HRH1: variants seen among roughly 807,000 people sequenced by gnomAD.
The protein encoded by HRH1 is histamine receptor H1, also known as histamine H1 receptor.
HRH1 carries 6 observed loss-of-function variants against 10.3 expected under a neutral mutation model. The observed-to-expected ratio is 0.58, with a 90% CI of 0.32 to 1.15. HRH1 has a LOEUF of 1.15. Among genes scored for constraint, HRH1 ranks in the 50% most tolerant of loss-of-function variants. HRH1 has a pLI of 0.05. For synonymous variants in HRH1, 242 were observed against 236.7 expected (o/e 1.02, Z -0.21); for missense variants, 514 against 615.3 (o/e 0.84, Z 1.74).
chr3:11,144,276 A>G (rs1936356911), intron 1 of HRH1, among the ~76,000 whole-genome samples: 1 of 151,656 alleles, frequency 6.6e-6, no homozygotes, highest in South Asian at 2.1e-4. Context: ...CACTATTCAC[A>G]ACAACAAAAT....
intron 1 of HRH1, among the ~76,000 whole-genome samples, chr3:11,187,891 G>T (rs1206934110): frequency 1.3e-5 from 2 of 152,190 alleles, no homozygotes; most frequent in Non-Finnish European, 2.9e-5. Flanking sequence ...TACATCAACT[G>T]CTTTTGCCTC....
intron 1 of HRH1, among the ~76,000 whole-genome samples, chr3:11,239,405 G>C (rs566545060): frequency 7.6e-4 from 116 of 152,022 alleles, no homozygotes; most frequent in African/African-American, 2.4e-3. Flanking sequence ...TGTGTATTTT[G>C]GATACATCAG....
Position 11,206,911 on chromosome 3 carries a change from A to G in HRH1, c.-35-52092A>G, listed in dbSNP as rs144157870. 6.8e-4 allele frequency among the ~76,000 whole-genome samples: 103 copies of G among 152,230 alleles called. 1 individual carries two copies. Among genetic ancestry groups the G allele is most frequent in the African/African-American group, 2.5e-3 (102 of 41,546 alleles). On this transcript the variant is annotated intron_variant, in intron 1 of 1. Transcript: ENST00000431010. ...ACGGAATAGGGTGGGAGAGCTGAGG[A>G]GGGGGAAGCTGGAGGAGGAGTGTGG...
At chr3:11,255,109 A>C (rs978200221) in intron 1 of HRH1, among the ~76,000 whole-genome samples, 7 of 152,166 alleles carry the variant, frequency 4.6e-5, no homozygotes, top group African/African-American at 1.7e-4. Flanking sequence ...ATGTACAAGG[A>C]AGTTGGTCTT....
rs1939941177 is a variant in HRH1 at position 11,261,036 on chromosome 3, T to C, written c.*535T>C. On this transcript the variant is annotated 3_prime_UTR_variant, in exon 2 of 2. Coordinates refer to ENST00000431010, the MANE Select transcript of HRH1 (RefSeq NM_001098212.2). Reference sequence around the variant, plus strand: ...GGGTCACCTTGAGAGGCATGACAGCTGTTCCACAGGGGCTATCCCTTCTCA... The same window carrying C: ...GGGTCACCTTGAGAGGCATGACAGCCGTTCCACAGGGGCTATCCCTTCTCA... 1 of 167,590 alleles carries C rather than the reference T, an allele frequency of 6.0e-6. No individual in the cohort carries two copies. Among genetic ancestry groups the C allele is most frequent in the Non-Finnish European group, 1.5e-5 (1 of 68,500 alleles). The allele number at this position is 167,590 out of a possible 1,614,324, so 10.4% of individuals were successfully genotyped here.
At chr3:11,210,095 A>T (rs1938274333) in intron 1 of HRH1, among the ~76,000 whole-genome samples, 2 of 152,076 alleles carry the variant, frequency 1.3e-5, no homozygotes, top group Non-Finnish European at 2.9e-5. Flanking sequence ...TATATCTCTT[A>T]TGTGGAGTTA....
chr3:11,220,395 C>T (rs1397834883), intron 1 of HRH1, among the ~76,000 whole-genome samples: 1 of 152,186 alleles, frequency 6.6e-6, no homozygotes, highest in Non-Finnish European at 1.5e-5. Context: ...GAGAACAGTA[C>T]TGCTGAGGTG....
intron 1 of HRH1, among the ~76,000 whole-genome samples, chr3:11,164,044 C>G (rs576887337): frequency 1.3e-5 from 2 of 152,110 alleles, no homozygotes; most frequent in Admixed American, 1.3e-4. Context: ...AGTGCACTCT[C>G]TGGAGATACT....
rs1939891638 is a variant in HRH1, at chr3:11,259,804, C to T, written c.767C>T (p.Pro256Leu). ...GDAKKPGKESPWEVLKRKPKD... is the reference protein window; with the variant it reads ...GDAKKPGKESLWEVLKRKPKD... The stretch of plus-strand genomic sequence containing the variant: ...GCCAAGAAACCAGGGAAGGAGTCTC[C>T]CTGGGAGGTTCTGAAAAGGAAGCCA... The change falls in exon 2 of 2, where the codon CCC (proline) becomes CTC (leucine). Residue 256 changes from proline to leucine, a missense_variant. Pro to Leu is a moderately conservative substitution (Grantham distance 98). Transcript: ENST00000431010. This position sits in a 1 kb window ranked among gnomAD's most constrained non-coding sequence, Gnocchi z 4.6. 1 of 1,613,906 alleles carries T rather than the reference C, an allele frequency of 6.2e-7. No homozygotes were observed. The highest frequency in any genetic ancestry group is 8.5e-7 in the Non-Finnish European group (1 of 1,179,960).
intron 1 of HRH1, among the ~76,000 whole-genome samples, chr3:11,194,344 T>G: frequency 6.6e-6 from 1 of 152,148 alleles, no homozygotes; most frequent in Non-Finnish European, 1.5e-5. Flanking sequence ...GAATAACAAT[T>G]CCCACCCTGT....
At chr3:11,213,629 G>A (rs113895115) in intron 1 of HRH1, among the ~76,000 whole-genome samples, 3 of 152,220 alleles carry the variant, frequency 2.0e-5, no homozygotes, top group African/African-American at 4.8e-5. Flanking sequence ...GTTCTCACAT[G>A]ACAGAAAAGA....
Position 11,260,795 on chromosome 3 carries a change from AATCAGACCTGGGTGGAAC to A in HRH1, c.*295_*312del. 6.0e-6 allele frequency: 2 copies of A among 334,154 alleles called. No homozygotes were observed. Among genetic ancestry groups the A allele is most frequent in the Admixed American group, 4.5e-5 (1 of 22,240 alleles). The allele number at this position is 334,154 out of a possible 1,614,324, so 20.7% of individuals were successfully genotyped here. On this transcript the variant is annotated 3_prime_UTR_variant, in exon 2 of 2. Coordinates refer to ENST00000431010, the MANE Select transcript of HRH1 (RefSeq NM_001098212.2). The stretch of plus-strand genomic sequence containing the variant: ...AATAATAAAAATAAAAGAGAGAGAG[AATCAGACCTGGGTGGAAC>A]TCTCCTGCTCCTCAGGAACTATGGG...
chr3:11,197,409 T>C (rs1937704345), intron 1 of HRH1, among the ~76,000 whole-genome samples: 1 of 152,168 alleles, frequency 6.6e-6, no homozygotes, highest in Admixed American at 6.5e-5. Context: ...CTGGCATCTA[T>C]AGGCAAAGAT....
At position 11,261,171 on chromosome 3, in the gene HRH1, G is replaced by C. The variant is rs1397225722; in HGVS notation, c.*670G>C. The C allele has an allele frequency of 2.4e-5, 4 of 167,116 alleles. No homozygotes were observed. The highest frequency in any genetic ancestry group is 5.9e-5 in the Non-Finnish European group (4 of 68,126). The allele number at this position is 167,116 out of a possible 1,614,324, so 10.4% of individuals were successfully genotyped here. A position where few individuals can be genotyped will look rare whatever the true frequency, so the allele number is the denominator to read the frequency against. On this transcript the variant is annotated 3_prime_UTR_variant, in exon 2 of 2. Coordinates refer to ENST00000431010, the MANE Select transcript of HRH1 (RefSeq NM_001098212.2). ...TACTCAAACATGTTTAGAGTGGATAGAAAATTATGCAGCTTGCACACCCAT... is the reference window on the plus strand; with the variant it reads ...TACTCAAACATGTTTAGAGTGGATACAAAATTATGCAGCTTGCACACCCAT...
At chr3:11,184,917 CAAA>C (rs11360744) in intron 1 of HRH1, among the ~76,000 whole-genome samples, 13 of 117,270 alleles carry the variant, frequency 1.1e-4, no homozygotes, top group Admixed American at 1.9e-4. Context: ...GACTCCATTT[CAAA>C]AAAAAAAAAA....
chr3:11,160,473 C>T (rs1031034658), intron 1 of HRH1, among the ~76,000 whole-genome samples: 4 of 152,190 alleles, frequency 2.6e-5, no homozygotes, highest in African/African-American at 7.2e-5. Context: ...ATATTTTAGA[C>T]TAAATTATCG....
rs201881416 is a variant in HRH1 at position 11,262,269 on chromosome 3, C to T, written c.*1768C>T. 1 of 166,972 alleles carries T rather than the reference C, an allele frequency of 6.0e-6. No individual in the cohort carries two copies. The highest frequency in any genetic ancestry group is 1.5e-5 in the Non-Finnish European group (1 of 68,102). 10.3% of individuals were successfully genotyped at this position (166,972 alleles called of 1,614,324 possible). A position where few individuals can be genotyped will look rare whatever the true frequency, so the allele number is the denominator to read the frequency against. ...TGTCAAAGTGAGATATTTTTACCTGCCTAAAATATGATGTTTAAAAGCATA... is the reference window on the plus strand; with the variant it reads ...TGTCAAAGTGAGATATTTTTACCTGTCTAAAATATGATGTTTAAAAGCATA... On this transcript the variant is annotated 3_prime_UTR_variant, in exon 2 of 2. Coordinates refer to ENST00000431010, the MANE Select transcript of HRH1 (RefSeq NM_001098212.2).
At chr3:11,170,738 A>G (rs1040997504) in intron 1 of HRH1, among the ~76,000 whole-genome samples, 2 of 152,246 alleles carry the variant, frequency 1.3e-5, no homozygotes, top group African/African-American at 4.8e-5. Context: ...GACCCTGGGA[A>G]AGCCCCCTGG....
chr3:11,182,092 C>T (rs928472933), intron 1 of HRH1, among the ~76,000 whole-genome samples: 2 of 152,268 alleles, frequency 1.3e-5, no homozygotes, highest in African/African-American at 2.4e-5. Flanking sequence ...AAGCAATTCT[C>T]CTGCCTTAGC....
Sources: allele counts gnomAD v4.1 joint callset (sites outside exome capture counted in the v4.1 genomes callset), GRCh38; gene constraint gnomAD v4.1.1; non-coding constraint Gnocchi (gnomAD v3.1); transcripts MANE v1.5; gene names NCBI Gene and HGNC (gene_info 2026-07-23, HGNC 2026-07-21).